The following ATAD5 variants were observed in gnomAD, a reference collection of about 807,000 sequenced individuals.
ATAD5 encodes ATPase family AAA domain containing 5, also known as ATPase family AAA domain-containing protein 5.
In ATAD5, 58 loss-of-function variants were observed where a neutral mutation model predicts 176.9. The ratio of observed to expected loss-of-function variants is 0.33; its 90% confidence interval spans 0.27 to 0.41. ATAD5 has a LOEUF of 0.41. Ranked by LOEUF, ATAD5 falls within the 10% of genes least tolerant of loss-of-function variation. The pLI is 1.00. For synonymous variants in ATAD5, 640 were observed against 712.6 expected (o/e 0.90, Z 1.62); for missense variants, 1,789 against 2,094.1 (o/e 0.85, Z 2.84).
Position 30,869,405 on chromosome 17 carries a change from T to C in ATAD5, c.3456+15T>C, listed in dbSNP as rs1003113311. ...TTGGATTTAAGGTTAGTAACAGCTA[T>C]GATGAGAGAATGTTAATGTAATAAT... On this transcript the variant is annotated intron_variant, in intron 13 of 22. Coordinates refer to ENST00000321990, the MANE Select transcript of ATAD5 (RefSeq NM_024857.5). 1 of 1,610,868 alleles carries C rather than the reference T, an allele frequency of 6.2e-7. No individual in the cohort carries two copies. The highest frequency in any genetic ancestry group is 8.5e-7 in the Non-Finnish European group (1 of 1,179,240).
In ATAD5 at chr17:30,892,698, C is replaced by A; in HGVS notation, c.4350C>A (p.Asp1450Glu). ...YPKNTKKKRV[D>E]LPKCDSGCAE... Reference sequence around the variant, plus strand: ...AAAATACTAAAAAGAAACGTGTAGACCTTCCAAAATGTGACAGTGGCTGTG... The same window carrying A: ...AAAATACTAAAAAGAAACGTGTAGAACTTCCAAAATGTGACAGTGGCTGTG... The change falls in exon 20 of 23, where the codon GAC becomes GAA. Residue 1450 changes from aspartate (D) to glutamate (E), a missense_variant. Physicochemically the swap from Asp to Glu is conservative, Grantham distance 45 (BLOSUM62 2). This residue lies in a region of ATAD5 where 403 missense variants were observed against 495.1 expected (regional missense o/e 0.81). Transcript: ENST00000321990. The A allele has an allele frequency of 6.2e-7, 1 of 1,605,846 alleles. No individual in the cohort carries two copies. Among genetic ancestry groups the A allele is most frequent in the Non-Finnish European group, 8.5e-7 (1 of 1,176,230 alleles).
rs765370161 is a variant in ATAD5, at chr17:30,868,379, A to C, written c.3280A>C (p.Asn1094His). The change falls in exon 12 of 23, where the codon AAT (asparagine) becomes CAT (histidine). Residue 1094 changes from asparagine to histidine, a missense_variant. By Grantham distance (68) the Asn-to-His change is moderately conservative. Transcript: ENST00000321990. Reference protein sequence around the residue: ...KRRAELEERQNLKGKRDEKHE... With the variant: ...KRRAELEERQHLKGKRDEKHE... Reference sequence around the variant, plus strand: ...AAGAGCTGAATTGGAAGAAAGGCAGAATCTGAAGGGAAAAAGAGATGAGAA... The same window carrying C: ...AAGAGCTGAATTGGAAGAAAGGCAGCATCTGAAGGGAAAAAGAGATGAGAA... The C allele has an allele frequency of 1.0e-5, 16 of 1,580,454 alleles. 1 individual carries two copies. The South Asian group carries it at 1.9e-4, about 19-fold the overall frequency.
At chr17:30,873,798 C>T (rs1908487143) in intron 14 of ATAD5, among the ~76,000 whole-genome samples, 1 of 150,156 alleles carries the variant, frequency 6.7e-6, no homozygotes, top group South Asian at 2.1e-4. Flanking sequence ...CTCAGATGAT[C>T]CTCCTGCTTT....
At chr17:30,892,018 T>C (rs1909664108) in intron 19 of ATAD5, among the ~76,000 whole-genome samples, 1 of 151,890 alleles carries the variant, frequency 6.6e-6, no homozygotes, top group Non-Finnish European at 1.5e-5. Context: ...GAAATTAATA[T>C]TAGGTATTTA....
chr17:30,862,154 CA>C (rs1377510210), intron 10 of ATAD5, among the ~76,000 whole-genome samples: 2 of 150,332 alleles, frequency 1.3e-5, no homozygotes, highest in Non-Finnish European at 3.0e-5. Context: ...GCCAACATGG[CA>C]AAACCCTGTC....
rs1908446883 is a variant in ATAD5, at chr17:30,873,316, TTTTC to T, written c.3608-3054_3608-3051del. 4.6e-5 allele frequency among the ~76,000 whole-genome samples: 7 copies of T among 151,324 alleles called. 1 individual carries two copies. The highest frequency in any genetic ancestry group is 1.7e-4 in the African/African-American group (7 of 40,974). ...GTAGTTCTTTTGGTGTGAAATTTCT[TTTTC>T]TTTTTTTTTTTTTTTTGAGACGGAG... On this transcript the variant is annotated intron_variant, in intron 14 of 22. Transcript: ENST00000321990.
At position 30,851,356 on chromosome 17, in the gene ATAD5, CGTG is replaced by C. The variant is rs1906951083; in HGVS notation, c.2451-3782_2451-3780del. ...CTAAAAATACAAAAAATTAGCCAGG[CGTG>C]GTGGCGGGCGCCTGTAGTCCCAGCT... On this transcript the variant is annotated intron_variant, in intron 6 of 22. Coordinates refer to ENST00000321990, the MANE Select transcript of ATAD5 (RefSeq NM_024857.5). Among the ~76,000 whole-genome samples, 3 of 150,800 alleles carry C rather than the reference CGTG, an allele frequency of 2.0e-5. No individual in the cohort carries two copies. In the South Asian group the frequency reaches 6.3e-4, roughly 32 times the overall value.
chr17:30,853,253 A>T (rs1005648984), intron 6 of ATAD5, among the ~76,000 whole-genome samples: 3 of 152,152 alleles, frequency 2.0e-5, no homozygotes, highest in African/African-American at 7.2e-5. Flanking sequence ...ATATGTATGT[A>T]TATGTGTACA....
chr17:30,889,166 C>CTT lies in ATAD5; in HGVS notation c.4258+1809_4258+1810dup, dbSNP rs34948000. Reference sequence around the variant, plus strand: ...CTCTTCAAAAGTTTTTCTTTTCTTTCTTTTTTTTTTTTTTTTGAGGTAGGG... The same window carrying CTT: ...CTCTTCAAAAGTTTTTCTTTTCTTTCTTTTTTTTTTTTTTTTTTGAGGTAGGG... On this transcript the variant is annotated intron_variant, in intron 19 of 22. Transcript: ENST00000321990. Among the ~76,000 whole-genome samples the CTT allele has an allele frequency of 3.7e-3, 497 of 134,390 alleles. 2 individuals carry two copies. Among genetic ancestry groups the CTT allele is most frequent in the African/African-American group, 0.012 (431 of 36,754 alleles). 88.2% of individuals were successfully genotyped at this position (134,390 alleles called of 152,430 possible).
At chr17:30,838,870 G>T (rs1348916756) in intron 3 of ATAD5, among the ~76,000 whole-genome samples, 2 of 152,120 alleles carry the variant, frequency 1.3e-5, no homozygotes, top group Non-Finnish European at 2.9e-5. Context: ...TCTGTCAATG[G>T]ACTTCTTACC....
intron 19 of ATAD5, among the ~76,000 whole-genome samples, chr17:30,891,588 G>GACTCGAACTCCTGACCTCAGGTGA (rs1224338710): frequency 3.9e-5 from 6 of 152,056 alleles, no homozygotes; most frequent in African/African-American, 1.2e-4. Context: ...GGCCAGGCTG[G>GACTCGAACTCCTGACCTCAGGTGA]TCTCGAACTC....
chr17:30,885,520 A>T (rs1485877607), intron 18 of ATAD5, among the ~76,000 whole-genome samples: 1 of 151,794 alleles, frequency 6.6e-6, no homozygotes, highest in Non-Finnish European at 1.5e-5. Context: ...ACTTGATCTT[A>T]GATGGAAAGT....
At chr17:30,861,136 CAG>C (rs1368292765) in intron 10 of ATAD5, among the ~76,000 whole-genome samples, 1 of 151,556 alleles carries the variant, frequency 6.6e-6, no homozygotes. Flanking sequence ...TTAGTAGAGA[CAG>C]AGTTTTACCA....
chr17:30,874,469 AG>A (rs954810368), intron 14 of ATAD5, among the ~76,000 whole-genome samples: 1 of 141,878 alleles, frequency 7.0e-6, no homozygotes, highest in African/African-American at 2.6e-5. Context: ...TGAACCCGGA[AG>A]GCAGAGGTTG....
intron 14 of ATAD5, among the ~76,000 whole-genome samples, chr17:30,874,326 A>G (rs1264147129): frequency 1.3e-5 from 2 of 151,572 alleles, no homozygotes; most frequent in East Asian, 3.9e-4. Context: ...GCGGATCACG[A>G]GGTCAGGAGA....
intron 14 of ATAD5, among the ~76,000 whole-genome samples, chr17:30,874,658 T>A (rs1402087503): frequency 6.9e-6 from 1 of 144,228 alleles, no homozygotes; most frequent in Admixed American, 7.1e-5. Context: ...TGAGATGGAG[T>A]CTTGGTCTGT....
intron 2 of ATAD5, among the ~76,000 whole-genome samples, chr17:30,836,474 G>A (rs374125575): frequency 1.9e-3 from 287 of 151,850 alleles, no homozygotes; most frequent in African/African-American, 6.6e-3. Context: ...CACTGCGCCC[G>A]GCCTGGAAGA....
At chr17:30,891,106 T>A (rs1476185014) in intron 19 of ATAD5, among the ~76,000 whole-genome samples, 1 of 152,164 alleles carries the variant, frequency 6.6e-6, no homozygotes, top group Admixed American at 6.6e-5. Flanking sequence ...TGGAGAGAAT[T>A]CTAGAAGTAT....
At position 30,834,819 on chromosome 17, in the gene ATAD5, A is replaced by G. The variant is rs760087393; in HGVS notation, c.738A>G (p.Ala246=). The change falls in exon 2 of 23, where the codon GCA becomes GCG. Residue 246 remains alanine, a synonymous_variant. Coordinates refer to ENST00000321990, the MANE Select transcript of ATAD5 (RefSeq NM_024857.5). ...AGATGGAGAATACTACAAGCCATGC[A>G]AACTCTAGAGATAACGTAACTGAAG... ...TKQMENTTSH[A]NSRDNVTEAA... 6.2e-7 allele frequency: 1 copy of G among 1,614,016 alleles called. No individual in the cohort carries two copies. Among genetic ancestry groups the G allele is most frequent in the Admixed American group, 1.7e-5 (1 of 60,006 alleles).
Sources: allele counts gnomAD v4.1 joint callset (sites outside exome capture counted in the v4.1 genomes callset), GRCh38; gene constraint gnomAD v4.1.1; regional missense constraint gnomAD v4.1.1; transcripts MANE v1.5; gene names NCBI Gene and HGNC (gene_info 2026-07-23, HGNC 2026-07-21).